AP3B1: variants seen among roughly 807,000 people sequenced by gnomAD.
AP3B1 encodes the protein AP-3 complex subunit beta-1.
In AP3B1, 61 loss-of-function variants were observed where a neutral mutation model predicts 132.5. The ratio of observed to expected loss-of-function variants is 0.46; its 90% CI spans 0.37 to 0.57. The LOEUF is 0.57. AP3B1 is among the 20% of genes least tolerant of loss of function. AP3B1 has a pLI of 0.00. For synonymous variants in AP3B1, 388 were observed against 438.3 expected (o/e 0.89, Z 1.43); for missense variants, 1,120 against 1,289.4 (o/e 0.87, Z 2.01).
chr5:78,157,926 T>C (rs1743221721), intron 13 of AP3B1, among the ~76,000 whole-genome samples: 4 of 152,074 alleles, frequency 2.6e-5, no homozygotes, highest in African/African-American at 4.8e-5. Context: ...AATTTTTGTA[T>C]TTTTAGTAGA....
intron 22 of AP3B1, 56 bp downstream of exon 22, chr5:78,089,337 A>G: frequency 7.8e-7 from 1 of 1,276,912 alleles, no homozygotes; most frequent in Non-Finnish European, 1.1e-6. Context: ...TTTTAATAAA[A>G]AAGATACAAT....
intron 22 of AP3B1, among the ~76,000 whole-genome samples, chr5:78,053,977 T>C (rs1188949268): frequency 1.3e-5 from 2 of 152,226 alleles, no homozygotes; most frequent in African/African-American, 2.4e-5. Context: ...ACATAGCACA[T>C]GTTTTACTAG....
At chr5:78,219,210 C>A (rs1377657659) in intron 6 of AP3B1, among the ~76,000 whole-genome samples, 2 of 151,918 alleles carry the variant, frequency 1.3e-5, no homozygotes, top group Non-Finnish European at 2.9e-5. Flanking sequence ...TCCTAAGAAA[C>A]TCTGTTTTCT....
At chr5:78,094,707 A>T (rs1469299581) in intron 21 of AP3B1, among the ~76,000 whole-genome samples, 10 of 151,820 alleles carry the variant, frequency 6.6e-5, no homozygotes, top group Non-Finnish European at 1.2e-4. Context: ...TTGTAGTGGA[A>T]TATCACTCTG....
chr5:78,287,403 T>C (rs1472345585), intron 1 of AP3B1, among the ~76,000 whole-genome samples: 2 of 152,192 alleles, frequency 1.3e-5, no homozygotes, highest in African/African-American at 2.4e-5. Context: ...AAAGGTTTTA[T>C]AATCTGTTGG....
intron 24 of AP3B1, among the ~76,000 whole-genome samples, chr5:78,031,718 G>T (rs1000272323): frequency 1.1e-4 from 17 of 152,256 alleles, no homozygotes; most frequent in African/African-American, 3.8e-4. Context: ...CCCCACGAGT[G>T]TTTTACCCTG....
intron 22 of AP3B1, among the ~76,000 whole-genome samples, chr5:78,040,742 C>T (rs1035094147): frequency 5.9e-5 from 9 of 151,998 alleles, no homozygotes; most frequent in Admixed American, 5.2e-4. Flanking sequence ...TGTTGTCTCC[C>T]AACTAGATTC....
chr5:78,255,329 T>C lies in AP3B1; in HGVS notation c.204+12191A>G, dbSNP rs149748860. 4.6e-5 allele frequency among the ~76,000 whole-genome samples: 7 copies of C among 152,046 alleles called. No individual in the cohort carries two copies. In the East Asian group the frequency reaches 7.7e-4, roughly 17 times the overall value. On this transcript the variant is annotated intron_variant, in intron 2 of 26. Coordinates refer to ENST00000255194, the MANE Select transcript of AP3B1 (RefSeq NM_003664.5). ...CGAATGGATGAAAAAACAAAACCCA[T>C]TGATCTGTTGCCCACAAAAAAACAC...
At chr5:78,024,082 G>A (rs181489466) in intron 24 of AP3B1, among the ~76,000 whole-genome samples, 56 of 152,126 alleles carry the variant, frequency 3.7e-4, no homozygotes, top group African/African-American at 1.3e-3. Context: ...GGAAACAGCC[G>A]AAAAGGAGTG....
rs397789619 is a variant in AP3B1 at position 78,261,765 on chromosome 5, T to TG, written c.204+5754_204+5755insC. Among the ~76,000 whole-genome samples, 157 of 137,860 alleles carry TG rather than the reference T, an allele frequency of 1.1e-3. 1 individual carries two copies. Among genetic ancestry groups the TG allele is most frequent in the African/African-American group, 4.1e-3 (151 of 36,536 alleles). 90.4% of individuals were successfully genotyped at this position (137,860 alleles called of 152,430 possible). On this transcript the variant is annotated intron_variant, in intron 2 of 26. Transcript: ENST00000255194. ...ACAGGCATGAGCCACCGGTTGTTGT[T>TG]TTTTGAGACGCGGTCTCACTCTGCC...
At chr5:78,096,041 C>T (rs985350563) in intron 21 of AP3B1, among the ~76,000 whole-genome samples, 4 of 152,206 alleles carry the variant, frequency 2.6e-5, no homozygotes, top group Admixed American at 1.3e-4. Flanking sequence ...CCTCTCCCCA[C>T]GGTCTCCCTC....
chr5:78,009,783 G>A (rs932714052), intron 26 of AP3B1, among the ~76,000 whole-genome samples: 1 of 151,160 alleles, frequency 6.6e-6, no homozygotes, highest in Non-Finnish European at 1.5e-5. Context: ...CGGGGGGGTG[G>A]GGGAGGGGGA....
At chr5:78,277,023 A>C (rs1561216134) in intron 1 of AP3B1, among the ~76,000 whole-genome samples, 1 of 152,186 alleles carries the variant, frequency 6.6e-6, no homozygotes, top group Non-Finnish European at 1.5e-5. Flanking sequence ...AATAATAAAG[A>C]TACAAGAAGA....
intron 2 of AP3B1, among the ~76,000 whole-genome samples, chr5:78,243,161 G>T (rs1401530782): frequency 6.6e-6 from 1 of 151,980 alleles, no homozygotes; most frequent in Non-Finnish European, 1.5e-5. Flanking sequence ...CACTATGGAG[G>T]GTTTACAAAA....
intron 18 of AP3B1, among the ~76,000 whole-genome samples, chr5:78,114,670 C>A (rs770136965): frequency 1.3e-4 from 20 of 152,144 alleles, no homozygotes; most frequent in African/African-American, 4.8e-4. Context: ...GACAAAAGGA[C>A]AAACTGTTGC....
chr5:78,136,764 GTT>G (rs2112317058), intron 15 of AP3B1, among the ~76,000 whole-genome samples: 1 of 151,332 alleles, frequency 6.6e-6, no homozygotes, highest in South Asian at 2.1e-4. Flanking sequence ...CACCAATATA[GTT>G]TTTGAGTGTT....
At chr5:78,202,428 G>C (rs914333471) in intron 7 of AP3B1, among the ~76,000 whole-genome samples, 1 of 152,000 alleles carries the variant, frequency 6.6e-6, no homozygotes, top group East Asian at 1.9e-4. Flanking sequence ...CCCTCATGGG[G>C]AACTGAAGTG....
intron 14 of AP3B1, among the ~76,000 whole-genome samples, chr5:78,155,150 G>A (rs1743094987): frequency 6.6e-6 from 1 of 152,174 alleles, no homozygotes; most frequent in Non-Finnish European, 1.5e-5. Flanking sequence ...CAATAATGAT[G>A]TGGTTCTTGC....
chr5:78,162,765 C>A, intron 13 of AP3B1, 54 bp downstream of exon 13: 2 of 1,593,926 alleles, frequency 1.3e-6, no homozygotes, highest in East Asian at 2.2e-5. Flanking sequence ...GGAAATAATA[C>A]CAAGAATATT....
Sources: allele counts gnomAD v4.1 joint callset (sites outside exome capture counted in the v4.1 genomes callset), GRCh38; gene constraint gnomAD v4.1.1; transcripts MANE v1.5; gene names NCBI Gene and HGNC (gene_info 2026-07-23, HGNC 2026-07-21).